The following BST1 variants were observed in gnomAD, a reference collection of about 807,000 sequenced individuals.
The protein encoded by BST1 is bone marrow stromal cell antigen 1.
Under a neutral mutation model 40.6 loss-of-function variants are expected in BST1, and 49 were observed. The ratio of observed to expected loss-of-function variants is 1.21; its 90% confidence interval spans 0.96 to 1.53. BST1 has a LOEUF of 1.53. Among genes scored for constraint, BST1 ranks in the 40% most tolerant of loss-of-function variants. BST1 has a pLI of 0.00. For missense variants in BST1, 423 were observed against 395.9 expected, an observed-to-expected ratio of 1.07 and a Z score of -0.58; for synonymous variants, 157 against 159.3, an observed-to-expected ratio of 0.99 and a Z score of 0.11.
the BST1 span, among the ~76,000 whole-genome samples, chr4:15,770,499 G>A: frequency 1.3e-5 from 2 of 152,182 alleles, no homozygotes; most frequent in African/African-American, 4.8e-5. Flanking sequence ...GAGGTCAGGA[G>A]TTCATGACCA....
At chr4:15,738,789 A>C (rs890419116), downstream of BST1, among the ~76,000 whole-genome samples, 1 of 152,240 alleles carries the variant, frequency 6.6e-6, no homozygotes, top group Non-Finnish European at 1.5e-5. Context: ...GCATGTGCCA[A>C]GTGAACACTA....
intron 8 of BST1, among the ~76,000 whole-genome samples, chr4:15,724,458 G>A (rs573557838): frequency 7.2e-5 from 11 of 152,138 alleles, no homozygotes; most frequent in African/African-American, 1.7e-4. Context: ...AGGCTGAGGC[G>A]GGTGGATCAC....
chr4:15,741,909 G>A (rs1721757609), downstream of BST1, among the ~76,000 whole-genome samples: 1 of 152,216 alleles, frequency 6.6e-6, no homozygotes, highest in Admixed American at 6.5e-5. Flanking sequence ...CCCAGTTGCT[G>A]CTCTGGGAAT....
At position 15,705,576 on chromosome 4, in the gene BST1, T is replaced by C; in HGVS notation, c.250T>C (p.Ser84Pro). Reference sequence around the variant, plus strand: ...AGTGGCGCTGGACAAGGATCCCTGCTCCGTGCTGCCCTCAGACTATGACCT... The same window carrying C: ...AGTGGCGCTGGACAAGGATCCCTGCCCCGTGCTGCCCTCAGACTATGACCT... Reference protein sequence around the residue: ...FKVALDKDPCSVLPSDYDLFI... With the variant: ...FKVALDKDPCPVLPSDYDLFI... Residue 84 changes from serine (S) to proline (P), a missense_variant, in exon 2 of 9, where the codon TCC (serine) becomes CCC (proline). Coordinates refer to ENST00000265016, the MANE Select transcript of BST1 (RefSeq NM_004334.3). 6.2e-7 allele frequency: 1 copy of C among 1,613,308 alleles called. No homozygotes were observed. The highest frequency in any genetic ancestry group is 8.5e-7 in the Non-Finnish European group (1 of 1,179,582).
chr4:15,754,562 TA>T, the BST1 span, among the ~76,000 whole-genome samples: 2 of 152,178 alleles, frequency 1.3e-5, no homozygotes, highest in African/African-American at 4.8e-5. Context: ...TTGAATGAGA[TA>T]AAGAATCAAC....
At chr4:15,750,118 A>G in the BST1 span, among the ~76,000 whole-genome samples, 1 of 152,046 alleles carries the variant, frequency 6.6e-6, no homozygotes, top group Admixed American at 6.6e-5. Flanking sequence ...TCCGCCACCC[A>G]GGTTCAAGCG....
the BST1 span, among the ~76,000 whole-genome samples, chr4:15,754,952 A>C: frequency 0.083 from 12,661 of 152,180 alleles, 780 homozygotes; most frequent in East Asian, 0.22. Context: ...AGGAAGCATT[A>C]AACACAAAAT....
At chr4:15,756,112 A>C in the BST1 span, among the ~76,000 whole-genome samples, 14 of 152,248 alleles carry the variant, frequency 9.2e-5, no homozygotes, top group African/African-American at 3.4e-4. Context: ...AAACTGAAAC[A>C]AACAAAACAC....
chr4:15,731,459 C>A, intron 8 of BST1: 1 of 817,562 alleles, frequency 1.2e-6, no homozygotes, highest in Non-Finnish European at 2.1e-6. Context: ...AGGGAGTGGA[C>A]TTAAGCCTGA....
At chr4:15,745,624 G>C in the BST1 span, among the ~76,000 whole-genome samples, 3 of 152,180 alleles carry the variant, frequency 2.0e-5, no homozygotes, top group African/African-American at 7.2e-5. Flanking sequence ...ATGACTAACG[G>C]ATCAGAACCA....
downstream of BST1, among the ~76,000 whole-genome samples, chr4:15,742,166 A>G (rs1328603928): frequency 6.6e-6 from 1 of 152,156 alleles, no homozygotes; most frequent in Non-Finnish European, 1.5e-5. Flanking sequence ...CTATGGTTTG[A>G]ATGTTTGTCC....
At chr4:15,715,652 A>T (rs147944894) in intron 5 of BST1, 55 bp from the exon 6 acceptor site, 454 of 1,251,318 alleles carry the variant, frequency 3.6e-4, no homozygotes, top group Non-Finnish European at 4.7e-4. Context: ...GTAAATTAAC[A>T]ACTGAAATGG....
chr4:15,714,722 G>C (rs557196986), intron 4 of BST1, among the ~76,000 whole-genome samples: 1 of 152,150 alleles, frequency 6.6e-6, no homozygotes. Context: ...CTGAGCCCAC[G>C]GTTTGCACTC....
At chr4:15,724,840 T>A (rs1721010833) in intron 8 of BST1, among the ~76,000 whole-genome samples, 1 of 152,184 alleles carries the variant, frequency 6.6e-6, no homozygotes, top group African/African-American at 2.4e-5. Flanking sequence ...TCAAGAATAA[T>A]GATCCTAGCC....
intron 6 of BST1, among the ~76,000 whole-genome samples, chr4:15,718,008 A>AC (rs956114065): frequency 6.6e-5 from 10 of 152,166 alleles, no homozygotes; most frequent in African/African-American, 2.4e-4. Flanking sequence ...TGTGTCCTGG[A>AC]CCATGAAGAA....
In BST1 at chr4:15,707,651, G is replaced by C; in HGVS notation, c.451+5G>C. On this transcript the variant is annotated splice_donor_5th_base_variant and intron_variant, in intron 3 of 8. Coordinates refer to ENST00000265016, the MANE Select transcript of BST1 (RefSeq NM_004334.3). ...GTCGACAGAAAAATGACTCTGGTAAGACTCCTGCACAAATCACAGGAGACT... is the reference window on the plus strand; with the variant it reads ...GTCGACAGAAAAATGACTCTGGTAACACTCCTGCACAAATCACAGGAGACT... The C allele has an allele frequency of 6.2e-7, 1 of 1,613,886 alleles. No individual in the cohort carries two copies. The highest frequency in any genetic ancestry group is 8.5e-7 in the Non-Finnish European group (1 of 1,179,942).
At position 15,725,943 on chromosome 4, in the gene BST1, CGGTCTT is replaced by C. The variant is rs1292411225; in HGVS notation, c.851+3010_851+3015del. On this transcript the variant is annotated intron_variant, in intron 8 of 8. Transcript: ENST00000265016. ...TTCTGACTGACCTACTTGTGAAGTGCGGTCTTTTTTTTTTTTTTTTTTTTTTTTTGA... is the reference window on the plus strand; with the variant it reads ...TTCTGACTGACCTACTTGTGAAGTGCTTTTTTTTTTTTTTTTTTTTTTTGA... 4.9e-5 allele frequency among the ~76,000 whole-genome samples: 6 copies of C among 123,596 alleles called. No individual in the cohort carries two copies. The East Asian group carries it at 1.8e-3, about 37-fold the overall frequency. The allele number at this position is 123,596 out of a possible 152,430, so 81.1% of individuals were successfully genotyped here. A position where few individuals can be genotyped will look rare whatever the true frequency, so the allele number is the denominator to read the frequency against.
chr4:15,738,486 G>T (rs1721647276), downstream of BST1, among the ~76,000 whole-genome samples: 1 of 151,852 alleles, frequency 6.6e-6, no homozygotes, highest in Non-Finnish European at 1.5e-5. Flanking sequence ...CTATGATGTT[G>T]GTCAGTATAA....
intron 2 of BST1, among the ~76,000 whole-genome samples, chr4:15,706,340 C>T (rs1719880453): frequency 6.6e-6 from 1 of 152,226 alleles, no homozygotes; most frequent in Non-Finnish European, 1.5e-5. Flanking sequence ...AAATAACCTT[C>T]ATCCTAACTG....
Sources: gnomAD v4.1 joint callset for allele counts (sites outside exome capture counted in the v4.1 genomes callset) on GRCh38, gnomAD v4.1.1 for gene constraint, MANE v1.5 for transcripts, NCBI Gene and HGNC (gene_info 2026-07-23, HGNC 2026-07-21) for gene names.